CSMD1: variants seen among roughly 807,000 people sequenced by gnomAD.
CSMD1 encodes CUB and Sushi multiple domains 1.
A neutral mutation model predicts 417.5 loss-of-function variants in CSMD1; 213 were observed. The ratio of observed to expected loss-of-function variants is 0.51; its 90% CI spans 0.46 to 0.57. CSMD1 has a LOEUF of 0.57. CSMD1 is among the 20% of genes least tolerant of loss of function. CSMD1 has a pLI of 0.00. For missense variants in CSMD1, 6,923 were observed against 4,529.7 expected, an observed-to-expected ratio of 1.53 and a Z score of -15.17; for synonymous variants, 2,862 against 1,736.8, an observed-to-expected ratio of 1.65 and a Z score of -16.11.
intron 2 of CSMD1, among the ~76,000 whole-genome samples, chr8:4,481,276 G>A (rs558337691): frequency 6.6e-6 from 1 of 152,304 alleles, no homozygotes; most frequent in Admixed American, 6.5e-5. Context: ...TTCCTGCTGT[G>A]CCAGCCCTAT....
intron 3 of CSMD1, among the ~76,000 whole-genome samples, chr8:4,045,439 G>A (rs1165514382): frequency 6.6e-6 from 1 of 152,188 alleles, no homozygotes; most frequent in African/African-American, 2.4e-5. Flanking sequence ...AGAAATGACT[G>A]CTGAGAACGT....
Position 3,777,773 on chromosome 8 carries a change from C to T in CSMD1, c.819-23731G>A, listed in dbSNP as rs979890058. Among the ~76,000 whole-genome samples, 4 of 93,120 alleles carry T rather than the reference C, an allele frequency of 4.3e-5. No homozygotes were observed. In the East Asian group the frequency reaches 1.4e-3, roughly 31 times the overall value. 61.1% of individuals were successfully genotyped at this position (93,120 alleles called of 152,430 possible). A position where few individuals can be genotyped will look rare whatever the true frequency, so the allele number is the denominator to read the frequency against. On this transcript the variant is annotated intron_variant, in intron 5 of 69. Coordinates refer to ENST00000635120, the MANE Select transcript of CSMD1 (RefSeq NM_033225.6). ...CCTTGAAGTGCAGAGTCTCAGTTCCCACTCCAGACCCACAGCCTCCTTGAA... is the reference window on the plus strand; with the variant it reads ...CCTTGAAGTGCAGAGTCTCAGTTCCTACTCCAGACCCACAGCCTCCTTGAA...
chr8:3,393,679 G>A (rs940050585), intron 17 of CSMD1, among the ~76,000 whole-genome samples: 3 of 152,032 alleles, frequency 2.0e-5, no homozygotes, highest in African/African-American at 7.2e-5. Context: ...ATGAGTTCAT[G>A]TCTTTTGTAG....
chr8:3,918,760 G>A (rs879467082), intron 5 of CSMD1, among the ~76,000 whole-genome samples: 1 of 152,090 alleles, frequency 6.6e-6, no homozygotes, highest in Non-Finnish European at 1.5e-5. Context: ...ATTCTTCTAA[G>A]TGAAGTAACT....
chr8:4,187,477 C>G (rs141891018), intron 3 of CSMD1, among the ~76,000 whole-genome samples: 28 of 152,124 alleles, frequency 1.8e-4, no homozygotes, highest in African/African-American at 6.5e-4. Flanking sequence ...AACCCCGTCG[C>G]TACTAAAAAT....
In CSMD1 at chr8:4,465,766, C is replaced by T. The variant is rs1800129487; in HGVS notation, c.303-45701G>A. On this transcript the variant is annotated intron_variant, in intron 2 of 69. Transcript: ENST00000635120. ...TAGTTTGTAGGTCATCTATTATTTT[C>T]TCACCTCTGAGAATGGGGGTGGTTA... 2.6e-5 allele frequency among the ~76,000 whole-genome samples: 4 copies of T among 152,280 alleles called. No individual in the cohort carries two copies. In the South Asian group the frequency reaches 8.3e-4, roughly 32 times the overall value.
intron 7 of CSMD1, among the ~76,000 whole-genome samples, chr8:3,653,754 T>A (rs989686360): frequency 1.3e-5 from 2 of 152,198 alleles, no homozygotes; most frequent in African/African-American, 2.4e-5. Flanking sequence ...GCATGGCTGT[T>A]ACACAGTGGG....
At chr8:4,341,809 G>A (rs1372648565) in intron 3 of CSMD1, among the ~76,000 whole-genome samples, 1 of 152,050 alleles carries the variant, frequency 6.6e-6, no homozygotes, top group African/African-American at 2.4e-5. Context: ...TTGTTCACAT[G>A]ACTTAACGAG....
At chr8:4,823,621 C>G (rs546737949) in intron 1 of CSMD1, among the ~76,000 whole-genome samples, 1 of 152,020 alleles carries the variant, frequency 6.6e-6, no homozygotes, top group Non-Finnish European at 1.5e-5. Context: ...CATCGACCCC[C>G]TACTACACAT....
intron 7 of CSMD1, among the ~76,000 whole-genome samples, chr8:3,656,524 C>A (rs540869608): frequency 1.6e-4 from 24 of 152,302 alleles, no homozygotes; most frequent in African/African-American, 5.8e-4. Context: ...GTCTTCTAAT[C>A]CGCAAAATAA....
intron 5 of CSMD1, among the ~76,000 whole-genome samples, chr8:3,761,032 G>C (rs1488177641): frequency 3.3e-5 from 5 of 151,562 alleles, no homozygotes; most frequent in Non-Finnish European, 7.4e-5. Context: ...TCTCTGTTTT[G>C]TCAAAATTAA....
At chr8:4,288,459 C>T (rs1254447674) in intron 3 of CSMD1, among the ~76,000 whole-genome samples, 1 of 152,198 alleles carries the variant, frequency 6.6e-6, no homozygotes, top group African/African-American at 2.4e-5. Flanking sequence ...GCCATTTCTC[C>T]TGTACTGCTG....
chr8:3,208,333 G>A (rs10093195), intron 30 of CSMD1, among the ~76,000 whole-genome samples: 1 of 151,914 alleles, frequency 6.6e-6, no homozygotes, highest in Non-Finnish European at 1.5e-5. Flanking sequence ...GTGGTGTGAT[G>A]TCAGCTCACT....
At chr8:3,285,549 G>C (rs186103964) in intron 25 of CSMD1, among the ~76,000 whole-genome samples, 11 of 151,972 alleles carry the variant, frequency 7.2e-5, no homozygotes, top group African/African-American at 2.7e-4. Context: ...GTCATGTTCA[G>C]TTATTATTAG....
At position 4,787,962 on chromosome 8, in the gene CSMD1, C is replaced by A. The variant is rs563957730; in HGVS notation, c.86-150404G>T. The A allele has an allele frequency of 2.4e-5, 38 of 1,594,686 alleles. No individual in the cohort carries two copies. In the African/African-American group the frequency reaches 4.4e-4, roughly 19 times the overall value. ...TGACAATGATTCCTGGAGACTCTGGCCATCAGGAGATCGAAGCCAACAGAA... is the reference window on the plus strand; with the variant it reads ...TGACAATGATTCCTGGAGACTCTGGACATCAGGAGATCGAAGCCAACAGAA... On this transcript the variant is annotated intron_variant, in intron 1 of 69. Coordinates refer to ENST00000635120, the MANE Select transcript of CSMD1 (RefSeq NM_033225.6).
intron 7 of CSMD1, chr8:3,704,913 A>G (rs1801081816): frequency 6.6e-5 from 10 of 152,378 alleles, no homozygotes; most frequent in Admixed American, 6.5e-4. Flanking sequence ...TGGATCTGAT[A>G]TAGTCAGAGG....
At chr8:3,189,781 C>T (rs983655923) in intron 34 of CSMD1, 131 bp downstream of exon 34, 5 of 746,626 alleles carry the variant, frequency 6.7e-6, no homozygotes, top group Non-Finnish European at 1.1e-5. Flanking sequence ...AATTACTTCC[C>T]ATGAAACAAA....
At chr8:4,724,608 T>C (rs893386386) in intron 1 of CSMD1, among the ~76,000 whole-genome samples, 3 of 151,738 alleles carry the variant, frequency 2.0e-5, no homozygotes, top group Non-Finnish European at 4.4e-5. Context: ...TGACATAATA[T>C]ATTATGTGAT....
intron 3 of CSMD1, among the ~76,000 whole-genome samples, chr8:4,144,914 T>G (rs537213109): frequency 6.6e-6 from 1 of 150,896 alleles, no homozygotes; most frequent in South Asian, 2.1e-4. Context: ...ACTCTATCAG[T>G]GAGTGGAGTG....
Sources: gnomAD v4.1 joint callset for allele counts (sites outside exome capture counted in the v4.1 genomes callset) on GRCh38, gnomAD v4.1.1 for gene constraint, MANE v1.5 for transcripts, NCBI Gene and HGNC (gene_info 2026-07-23, HGNC 2026-07-21) for gene names.